Variants in IL10RB observed in about 807,000 individuals in gnomAD.
IL10RB encodes the protein interleukin 10 receptor subunit beta.
IL10RB carries 30 observed loss-of-function variants against 38.7 expected under a neutral mutation model. That is an observed-to-expected ratio of 0.78 (90% CI 0.58 to 1.05). The LOEUF (loss-of-function observed/expected upper bound fraction) is 1.05. Ranked by LOEUF, IL10RB falls within the 50% of genes least tolerant of loss-of-function variation. IL10RB has a pLI of 0.00. For missense variants in IL10RB, 328 were observed against 397.1 expected, an observed-to-expected ratio of 0.83 and a Z score of 1.48; for synonymous variants, 142 against 145.9, an observed-to-expected ratio of 0.97 and a Z score of 0.19.
At chr21:33,284,296 CAAAA>C (rs59098773) in intron 5 of IL10RB, among the ~76,000 whole-genome samples, 3 of 69,142 alleles carry the variant, frequency 4.3e-5, no homozygotes, top group Admixed American at 1.7e-4. Context: ...GACCCTGCCT[CAAAA>C]AAAAAAAAAA....
intron 6 of IL10RB, among the ~76,000 whole-genome samples, chr21:33,294,414 C>T (rs1470284596): frequency 1.3e-5 from 2 of 151,020 alleles, no homozygotes; most frequent in Non-Finnish European, 2.9e-5. Flanking sequence ...TGTGTCCAAC[C>T]GGGAGACTCA....
chr21:33,282,711 G>A (rs1989302450), intron 4 of IL10RB, among the ~76,000 whole-genome samples: 1 of 152,006 alleles, frequency 6.6e-6, no homozygotes, highest in Admixed American at 6.6e-5. Context: ...ACCACGCCCG[G>A]CTAATTTTTT....
chr21:33,269,013 C>G (rs1989026248), intron 2 of IL10RB, among the ~76,000 whole-genome samples: 1 of 152,186 alleles, frequency 6.6e-6, no homozygotes, highest in African/African-American at 2.4e-5. Context: ...TGGATTATAA[C>G]ATCATGCCCC....
At chr21:33,269,074 G>A (rs1236956605) in intron 2 of IL10RB, among the ~76,000 whole-genome samples, 4 of 152,140 alleles carry the variant, frequency 2.6e-5, no homozygotes, top group Non-Finnish European at 4.4e-5. Context: ...CAGTTTCTCC[G>A]TGGTTCCATC....
intron 1 of IL10RB, among the ~76,000 whole-genome samples, chr21:33,305,135 T>A (rs1220506163): frequency 6.6e-6 from 1 of 152,138 alleles, no homozygotes; most frequent in Non-Finnish European, 1.5e-5. Context: ...TGTTTTGAGA[T>A]AGAGTCTTCC....
chr21:33,266,686 C>T (rs936565896), intron 1 of IL10RB, among the ~76,000 whole-genome samples, 172 bp downstream of exon 1: 32 of 152,310 alleles, frequency 2.1e-4, no homozygotes, highest in African/African-American at 7.7e-4. Flanking sequence ...CTGCTGCTGC[C>T]GTCGATTCTG....
In IL10RB at chr21:33,279,891, ATACTGGAAAAACGG is replaced by A. The variant is rs1989249110; in HGVS notation, c.477_490del (p.Trp159Ter). ...ATAACTCATGGACTTATAATGTGCAATACTGGAAAAACGGTACTGATGAAAAGGTAAGGTTGGCT... is the reference window on the plus strand; with the variant it reads ...ATAACTCATGGACTTATAATGTGCAATACTGATGAAAAGGTAAGGTTGGCT... On this transcript the variant is annotated frameshift_variant, in exon 4 of 7. Coordinates refer to ENST00000290200, the MANE Select transcript of IL10RB (RefSeq NM_000628.5). LOFTEE classifies it high-confidence loss of function. The A allele has an allele frequency of 6.2e-7, 1 of 1,613,992 alleles. No individual in the cohort carries two copies. The highest frequency in any genetic ancestry group is 8.5e-7 in the Non-Finnish European group (1 of 1,179,860).
intron 2 of IL10RB, among the ~76,000 whole-genome samples, chr21:33,273,369 A>T (rs1389134768): frequency 1.3e-5 from 2 of 152,244 alleles, no homozygotes; most frequent in Non-Finnish European, 2.9e-5. Flanking sequence ...ACTGTAGTCC[A>T]TTAAGTGTGT....
intron 3 of IL10RB, among the ~76,000 whole-genome samples, chr21:33,277,348 AT>A (rs1323932143): frequency 6.6e-6 from 1 of 151,600 alleles, no homozygotes; most frequent in East Asian, 1.9e-4. Flanking sequence ...AAAAAAAAAA[AT>A]ATTGTTCCCA....
chr21:33,296,130 C>A, intron 6 of IL10RB, 54 bp from the exon 7 acceptor site: 1 of 1,416,524 alleles, frequency 7.1e-7, no homozygotes, highest in Non-Finnish European at 1.0e-6. Flanking sequence ...CTTTGTAAAC[C>A]CAGAAAAAGA....
chr21:33,303,684 C>T (rs565410616), intron 1 of IL10RB, among the ~76,000 whole-genome samples: 79 of 152,190 alleles, frequency 5.2e-4, no homozygotes, highest in Admixed American at 7.9e-4. Flanking sequence ...GCCACTCTCT[C>T]CAGATTAGCT....
At chr21:33,279,142 A>G (rs1989234252) in intron 3 of IL10RB, among the ~76,000 whole-genome samples, 1 of 152,244 alleles carries the variant, frequency 6.6e-6, no homozygotes, top group African/African-American at 2.4e-5. Flanking sequence ...ACAGAAAGTA[A>G]TGGGAGCTGC....
rs568812234 is a variant in IL10RB at position 33,270,439 on chromosome 21, A to G, written c.173+1922A>G. Among the ~76,000 whole-genome samples, 1,253 of 145,790 alleles carry G rather than the reference A, an allele frequency of 8.6e-3. 23 individuals are homozygous for G. The highest frequency in any genetic ancestry group is 0.03 in the African/African-American group (1,190 of 39,210). ...TCTGTTGCCCAGGCTGGAGTGCAGT[A>G]GCGCGATCTCATCTCACTGCAACCT... is the stretch of plus-strand genomic sequence containing the variant. On this transcript the variant is annotated intron_variant, in intron 2 of 6. Transcript: ENST00000290200.
rs193172955 is a variant in IL10RB, at chr21:33,308,577, G to A, written c.130-399G>A. Reference sequence around the variant, plus strand: ...CCAATAAGAAACTTTTGACAGTCCCGTAGATACAATATAATCACATGGAAA... The same window carrying A: ...CCAATAAGAAACTTTTGACAGTCCCATAGATACAATATAATCACATGGAAA... On this transcript the variant is annotated intron_variant, in intron 1 of 1. Coordinates refer to the IL10RB transcript ENST00000609556. The A allele has an allele frequency of 1.2e-4, 18 of 152,212 alleles. No individual in the cohort carries two copies. The East Asian group carries it at 1.5e-3, about 13-fold the overall frequency. 9.4% of individuals were successfully genotyped at this position (152,212 alleles called of 1,614,324 possible). A position where few individuals can be genotyped will look rare whatever the true frequency, so the allele number is the denominator to read the frequency against.
At chr21:33,299,131 C>T (rs2082978922), downstream of IL10RB, among the ~76,000 whole-genome samples, 1 of 152,074 alleles carries the variant, frequency 6.6e-6, no homozygotes, top group African/African-American at 2.4e-5. Context: ...CGCACCCCCT[C>T]CCTCTGCACA....
At chr21:33,289,809 C>T (rs1205903642) in intron 6 of IL10RB, among the ~76,000 whole-genome samples, 1 of 152,048 alleles carries the variant, frequency 6.6e-6, no homozygotes, top group Admixed American at 6.6e-5. Flanking sequence ...TCTTAAAGGG[C>T]CAGGTAAAAA....
intron 3 of IL10RB, among the ~76,000 whole-genome samples, chr21:33,277,027 G>A (rs557401413): frequency 6.9e-6 from 1 of 144,120 alleles, no homozygotes; most frequent in Admixed American, 6.9e-5. Flanking sequence ...GTGCTGTTGA[G>A]GAGAAGTTCT....
At position 33,267,494 on chromosome 21, in the gene IL10RB, G is replaced by T. The variant is rs76943120; in HGVS notation, c.50-900G>T. 2.4e-3 allele frequency among the ~76,000 whole-genome samples: 299 copies of T among 125,792 alleles called. 1 individual carries two copies. The highest frequency in any genetic ancestry group is 7.3e-3 in the African/African-American group (234 of 31,990). 82.5% of individuals were successfully genotyped at this position (125,792 alleles called of 152,430 possible). On this transcript the variant is annotated intron_variant, in intron 1 of 6. Transcript: ENST00000290200. ...TCTTTCTTCTTCCGTTTTTTTTTTT[G>T]TTTGTTTGTTTTTTTGTTTTTTTGT...
chr21:33,288,003 G>T (rs550244354), intron 5 of IL10RB, 101 bp from the exon 6 acceptor site: 1 of 1,149,588 alleles, frequency 8.7e-7, no homozygotes, highest in South Asian at 1.2e-5. Context: ...CAAGATAAAC[G>T]TACAGGCTCT....
Sources: gnomAD v4.1 joint callset for allele counts (sites outside exome capture counted in the v4.1 genomes callset) on GRCh38, gnomAD v4.1.1 for gene constraint, MANE v1.5 for transcripts, NCBI Gene and HGNC (gene_info 2026-07-23, HGNC 2026-07-21) for gene names.